The following CENPF variants were observed in gnomAD, a reference collection of about 807,000 sequenced individuals.
CENPF encodes the protein centromere protein F, also known as AH antigen.
Under a neutral mutation model 307.3 loss-of-function variants are expected in CENPF, and 214 were observed. The ratio of observed to expected loss-of-function variants is 0.70; its 90% CI spans 0.62 to 0.78. The LOEUF (loss-of-function observed/expected upper bound fraction) is 0.78, where lower values mean the gene tolerates loss of function less well. CENPF is among the 30% of genes least tolerant of loss of function. The probability of loss-of-function intolerance (pLI) is 0.00; values close to 1 mark genes in which losing one functional copy is unlikely to be tolerated. For synonymous variants in CENPF, 1,259 were observed against 1,270.6 expected (o/e 0.99, Z 0.19); for missense variants, 3,401 against 3,483.9 (o/e 0.98, Z 0.60).
In CENPF at chr1:214,658,981, C is replaced by G. The variant is rs760815214; in HGVS notation, c.9094C>G (p.Leu3032Val). Residue 3032 changes from leucine to valine, a missense_variant, in exon 19 of 20, where the codon CTT becomes GTT. Coordinates refer to ENST00000366955, the MANE Select transcript of CENPF (RefSeq NM_016343.4). ...LSPLSLGKEN[L>V]AESSKPTAGG... Reference sequence around the variant, plus strand: ...CCCACTGAGTCTCGGCAAAGAAAATCTTGCAGAGTCCTCCAAACCAACAGC... The same window carrying G: ...CCCACTGAGTCTCGGCAAAGAAAATGTTGCAGAGTCCTCCAAACCAACAGC... 6.2e-7 allele frequency: 1 copy of G among 1,614,130 alleles called. No individual in the cohort carries two copies.
intron 14 of CENPF, 143 bp from the exon 15 acceptor site, chr1:214,651,567 A>G (rs1467827397): frequency 7.6e-6 from 4 of 523,610 alleles, no homozygotes; most frequent in Non-Finnish European, 1.3e-5. Flanking sequence ...ATACATTGCT[A>G]AGGATTATAG....
chr1:214,615,545 A>G (rs1341280548), intron 3 of CENPF, among the ~76,000 whole-genome samples: 1 of 152,202 alleles, frequency 6.6e-6, no homozygotes, highest in Non-Finnish European at 1.5e-5. Flanking sequence ...AGGGAGAACT[A>G]GGGAATTATA....
chr1:214,610,479 A>AT lies in CENPF; in HGVS notation c.-41-3219dup, dbSNP rs200567669. ...TTTCATATGCTTGTTAGCCACATGT[A>AT]TTTTTTTTTTTTTTTTAGAAAAGTG... is the stretch of plus-strand genomic sequence containing the variant. On this transcript the variant is annotated intron_variant, in intron 1 of 19. Transcript: ENST00000366955. Among the ~76,000 whole-genome samples the AT allele has an allele frequency of 1.8e-3, 229 of 130,512 alleles. 2 individuals carry two copies. The highest frequency in any genetic ancestry group is 0.013 in the Middle Eastern group (3 of 232). 85.6% of individuals were successfully genotyped at this position (130,512 alleles called of 152,430 possible).
intron 13 of CENPF, among the ~76,000 whole-genome samples, chr1:214,648,324 A>T (rs1384311776): frequency 3.3e-5 from 5 of 152,152 alleles, no homozygotes; most frequent in Non-Finnish European, 5.9e-5. Flanking sequence ...GGGGATTAGT[A>T]GAGATCCAAG....
At chr1:214,621,408 T>A (rs1312211079) in intron 6 of CENPF, among the ~76,000 whole-genome samples, 2 of 152,200 alleles carry the variant, frequency 1.3e-5, no homozygotes, top group Admixed American at 1.3e-4. Context: ...TGTGCCACGC[T>A]GCAGCTGACA....
At chr1:214,655,144 A>T in intron 16 of CENPF, 97 bp from the exon 17 acceptor site, 2 of 740,916 alleles carry the variant, frequency 2.7e-6, no homozygotes, top group Non-Finnish European at 4.0e-6. Flanking sequence ...ATAATTCTTA[A>T]ATTTACAATA....
At chr1:214,622,037 GAT>G in intron 6 of CENPF, 40 bp from the exon 7 acceptor site, 1 of 1,459,156 alleles carries the variant, frequency 6.9e-7, no homozygotes, top group Non-Finnish European at 9.5e-7. Context: ...TTTTGGGAAA[GAT>G]ATATATGAAT....
rs1028498197 is a variant in CENPF at position 214,640,524 on chromosome 1, C to T, written c.2186C>T (p.Thr729Ile). 3 of 1,614,162 alleles carry T rather than the reference C, an allele frequency of 1.9e-6. No homozygotes were observed. Among genetic ancestry groups the T allele is most frequent in the Middle Eastern group, 1.6e-4 (1 of 6,062 alleles). ...ATGTGTTTGAAGACTTCTCAGCTTACTGGGCAAGTTGAAGATCTAGAACAC... is the reference window on the plus strand; with the variant it reads ...ATGTGTTTGAAGACTTCTCAGCTTATTGGGCAAGTTGAAGATCTAGAACAC... ...ENMCLKTSQLTGQVEDLEHKL... is the reference protein window; with the variant it reads ...ENMCLKTSQLIGQVEDLEHKL... The change falls in exon 12 of 20, where the codon ACT becomes ATT. Residue 729 changes from threonine (T) to isoleucine (I), a missense_variant. By Grantham distance (89) the Thr-to-Ile change is moderately conservative. Transcript: ENST00000366955.
intron 1 of CENPF, among the ~76,000 whole-genome samples, chr1:214,609,468 A>C (rs931881947): frequency 2.6e-5 from 4 of 152,222 alleles, no homozygotes; most frequent in Non-Finnish European, 5.9e-5. Flanking sequence ...ACAAAGTGTG[A>C]GTGGTAATTA....
rs1406286191 is a variant in CENPF at position 214,615,069 on chromosome 1, T to C, written c.359+41T>C. 3.7e-6 allele frequency: 5 copies of C among 1,361,464 alleles called. No individual in the cohort carries two copies. The East Asian group carries it at 1.2e-4, about 33-fold the overall frequency. 84.3% of individuals were successfully genotyped at this position (1,361,464 alleles called of 1,614,324 possible). ...GGTATTTATAGGGATGATATTTGTA[T>C]GTATTAATCAGATGCGTTTGTCTTT... On this transcript the variant is annotated intron_variant, in intron 3 of 19. Transcript: ENST00000366955.
intron 10 of CENPF, among the ~76,000 whole-genome samples, chr1:214,637,126 G>A (rs1657984306): frequency 1.3e-5 from 2 of 152,180 alleles, no homozygotes; most frequent in Admixed American, 1.3e-4. Context: ...CAAAGAACCT[G>A]TTTTCACTGT....
Position 214,643,182 on chromosome 1 carries a change from G to A in CENPF, c.4844G>A (p.Ser1615Asn). 2 of 1,605,172 alleles carry A rather than the reference G, an allele frequency of 1.2e-6. No homozygotes were observed. Among genetic ancestry groups the A allele is most frequent in the South Asian group, 2.2e-5 (2 of 89,638 alleles). Residue 1615 changes from serine (S) to asparagine (N), a missense_variant, in exon 12 of 20, where the codon AGC (serine) becomes AAC (asparagine). Coordinates refer to ENST00000366955, the MANE Select transcript of CENPF (RefSeq NM_016343.4). ...GAACAGTGGCAACAGAAGCTGACAA[G>A]CGTGACTCTGGAGATGGAGTCCAAG... ...ENEQWQQKLT[S>N]VTLEMESKLA...
intron 7 of CENPF, among the ~76,000 whole-genome samples, chr1:214,626,726 T>A (rs1225145477): frequency 6.6e-6 from 1 of 152,234 alleles, no homozygotes; most frequent in Non-Finnish European, 1.5e-5. Flanking sequence ...CATAGGGTTG[T>A]TGTAAAGATT....
At chr1:214,657,528 G>A in intron 18 of CENPF, 119 bp downstream of exon 18, 2 of 720,330 alleles carry the variant, frequency 2.8e-6, no homozygotes, top group South Asian at 1.9e-5. Flanking sequence ...TCTCATTGAC[G>A]TTCATAAGCA....
rs753491740 is a variant in CENPF at position 214,664,566 on chromosome 1, C to T, written c.*772C>T. ...CTAATAAAATAGTCGCCTTCGTTTT[C>T]TGTAAGAATGATTCCTAAGTGTAAA... is the stretch of plus-strand genomic sequence containing the variant. On this transcript the variant is annotated 3_prime_UTR_variant, in exon 20 of 20. Coordinates refer to ENST00000366955, the MANE Select transcript of CENPF (RefSeq NM_016343.4). 1.3e-5 allele frequency: 2 copies of T among 152,192 alleles called. No homozygotes were observed. The highest frequency in any genetic ancestry group is 2.9e-5 in the Non-Finnish European group (2 of 68,034). The allele number at this position is 152,192 out of a possible 1,614,324, so 9.4% of individuals were successfully genotyped here. A position where few individuals can be genotyped will look rare whatever the true frequency, so the allele number is the denominator to read the frequency against.
Position 214,644,907 on chromosome 1 carries a change from A to T in CENPF, c.5337A>T (p.Thr1779=). ...ATCTTCAACTGCGGGTAAAAGAGAC[A>T]TCAAATGAGAATTTGAGATTACTTC... is the stretch of plus-strand genomic sequence containing the variant. ...IHNLQLRVKE[T]SNENLRLLHV... Residue 1779 remains threonine, a synonymous_variant, in exon 13 of 20, where the codon ACA becomes ACT. Coordinates refer to ENST00000366955, the MANE Select transcript of CENPF (RefSeq NM_016343.4). 1 of 1,613,990 alleles carries T rather than the reference A, an allele frequency of 6.2e-7. No homozygotes were observed. Among genetic ancestry groups the T allele is most frequent in the Non-Finnish European group, 8.5e-7 (1 of 1,179,972 alleles).
Position 214,647,230 on chromosome 1 carries a change from C to A in CENPF, c.7660C>A (p.Gln2554Lys). 1 of 1,614,008 alleles carries A rather than the reference C, an allele frequency of 6.2e-7. No homozygotes were observed. The highest frequency in any genetic ancestry group is 8.5e-7 in the Non-Finnish European group (1 of 1,179,942). Residue 2554 changes from glutamine (Q) to lysine (K), a missense_variant, in exon 13 of 20, where the codon CAA (glutamine) becomes AAA (lysine). Coordinates refer to ENST00000366955, the MANE Select transcript of CENPF (RefSeq NM_016343.4). Reference protein sequence around the residue: ...VEGEHQLWKEQNLELRNLTVE... With the variant: ...VEGEHQLWKEKNLELRNLTVE... Reference sequence around the variant, plus strand: ...AGGAGAGCACCAACTTTGGAAGGAGCAAAACTTAGAACTGAGAAATCTGAC... The same window carrying A: ...AGGAGAGCACCAACTTTGGAAGGAGAAAAACTTAGAACTGAGAAATCTGAC...
Position 214,647,274 on chromosome 1 carries a change from G to T in CENPF, c.7704G>T (p.Lys2568Asn). ...ATCTGACAGTGGAATTGGAGCAGAAGATCCAAGTGCTACAATCCAAAAATG... is the reference window on the plus strand; with the variant it reads ...ATCTGACAGTGGAATTGGAGCAGAATATCCAAGTGCTACAATCCAAAAATG... ...LRNLTVELEQ[K>N]IQVLQSKNAS... is the part of the protein sequence containing the mutation. Residue 2568 changes from lysine (K) to asparagine (N), a missense_variant, in exon 13 of 20, where the codon AAG (lysine) becomes AAT (asparagine). Physicochemically the swap from Lys to Asn is moderately conservative, Grantham distance 94. Transcript: ENST00000366955. 4 of 1,614,108 alleles carry T rather than the reference G, an allele frequency of 2.5e-6. No homozygotes were observed. Among genetic ancestry groups the T allele is most frequent in the Non-Finnish European group, 3.4e-6 (4 of 1,179,966 alleles).
In CENPF at chr1:214,646,736, C is replaced by G. The variant is rs142605836; in HGVS notation, c.7166C>G (p.Thr2389Ser). ...AGAGGTCTGGAATTAGATGTTGTTACTATAAGGTCAGAAAAAGAAAATCTG... is the reference window on the plus strand; with the variant it reads ...AGAGGTCTGGAATTAGATGTTGTTAGTATAAGGTCAGAAAAAGAAAATCTG... ...SLRGLELDVV[T>S]IRSEKENLTN... The change falls in exon 13 of 20, where the codon ACT becomes AGT. Residue 2389 changes from threonine to serine, a missense_variant. Coordinates refer to ENST00000366955, the MANE Select transcript of CENPF (RefSeq NM_016343.4). The G allele has an allele frequency of 1.5e-4, 246 of 1,613,848 alleles. No individual in the cohort carries two copies. In the African/African-American group the frequency reaches 3.0e-3, roughly 19 times the overall value.
Sources: gnomAD v4.1 joint callset for allele counts (sites outside exome capture counted in the v4.1 genomes callset) on GRCh38, gnomAD v4.1.1 for gene constraint, MANE v1.5 for transcripts, NCBI Gene and HGNC (gene_info 2026-07-23, HGNC 2026-07-21) for gene names.